The following FNDC3B variants were observed in gnomAD, a reference collection of about 807,000 sequenced individuals.
FNDC3B encodes fibronectin type III domain containing 3B, also known as fibronectin type III domain-containing protein 3B.
FNDC3B carries 12 observed loss-of-function variants against 151.5 expected under a neutral mutation model. That is an observed-to-expected ratio of 0.08 (90% CI 0.05 to 0.13). The LOEUF is 0.13. FNDC3B is among the 10% of genes least tolerant of loss of function. FNDC3B has a pLI of 1.00. For missense variants in FNDC3B, 1,214 were observed against 1,505.3 expected (o/e 0.81, Z 3.20); for synonymous variants, 528 against 549.0 (o/e 0.96, Z 0.54).
chr3:172,377,028 A>T (rs920722466), intron 23 of FNDC3B, among the ~76,000 whole-genome samples: 4 of 152,204 alleles, frequency 2.6e-5, no homozygotes, highest in African/African-American at 9.7e-5. Flanking sequence ...ACGCACAGGG[A>T]TTAGGTCTTA....
chr3:172,062,349 T>A (rs1234123708), intron 1 of FNDC3B, among the ~76,000 whole-genome samples: 2 of 151,528 alleles, frequency 1.3e-5, no homozygotes, highest in Admixed American at 6.6e-5. Flanking sequence ...TCTCTCTCCG[T>A]CACCCAGGCT....
intron 1 of FNDC3B, among the ~76,000 whole-genome samples, chr3:172,096,468 A>G (rs1054469420): frequency 6.6e-6 from 1 of 152,190 alleles, no homozygotes; most frequent in African/African-American, 2.4e-5. Context: ...CACAGTGGAC[A>G]TACCTGTTGT....
intron 1 of FNDC3B, among the ~76,000 whole-genome samples, chr3:172,072,065 A>G (rs1254118675): frequency 1.3e-5 from 2 of 149,586 alleles, no homozygotes; most frequent in Non-Finnish European, 1.5e-5. Context: ...CTCATCCTTC[A>G]TTTTCTTCAA....
At chr3:172,291,677 A>G (rs1403979900) in intron 7 of FNDC3B, among the ~76,000 whole-genome samples, 3 of 152,224 alleles carry the variant, frequency 2.0e-5, no homozygotes, top group African/African-American at 4.8e-5. Context: ...TTTTATCACC[A>G]TTACAAAGGA....
At chr3:172,150,823 A>G (rs75780725) in intron 3 of FNDC3B, among the ~76,000 whole-genome samples, 4,916 of 152,302 alleles carry the variant, frequency 0.032, 257 homozygotes, top group African/African-American at 0.11. Context: ...TAAGCACATC[A>G]TCGAGAATGG....
chr3:172,206,387 G>A (rs1468522555), intron 3 of FNDC3B, among the ~76,000 whole-genome samples: 3 of 152,076 alleles, frequency 2.0e-5, no homozygotes, highest in Non-Finnish European at 2.9e-5. Context: ...GGCCAGGCGC[G>A]GTGGCTTATG....
chr3:172,365,780 C>G (rs73167289), intron 23 of FNDC3B, among the ~76,000 whole-genome samples: 8,157 of 152,230 alleles, frequency 0.054, 311 homozygotes, highest in Middle Eastern at 0.085. Context: ...TCCTAGCCAG[C>G]TGTTTAAGTG....
intron 8 of FNDC3B, among the ~76,000 whole-genome samples, chr3:172,297,347 A>C (rs1207818606): frequency 1.3e-5 from 2 of 152,178 alleles, no homozygotes; most frequent in Non-Finnish European, 2.9e-5. Flanking sequence ...GATGTCCCCA[A>C]AATAGAGAAA....
chr3:172,248,429 T>A (rs879486748), intron 5 of FNDC3B, among the ~76,000 whole-genome samples: 3 of 152,168 alleles, frequency 2.0e-5, no homozygotes, highest in Non-Finnish European at 2.9e-5. Flanking sequence ...TATATCTTTT[T>A]AAAGTTTTGA....
At chr3:172,243,228 A>G (rs574140235) in intron 4 of FNDC3B, among the ~76,000 whole-genome samples, 19 of 152,144 alleles carry the variant, frequency 1.2e-4, no homozygotes, top group South Asian at 6.2e-4. Context: ...AATTGCTCCA[A>G]CCTTTGCCTG....
intron 11 of FNDC3B, 72 bp from the exon 12 acceptor site, chr3:172,328,880 C>A: frequency 3.3e-6 from 4 of 1,219,222 alleles, no homozygotes; most frequent in South Asian, 1.7e-5. Flanking sequence ...CAAGATGCTC[C>A]TTCATTTATT....
At chr3:172,269,286 GCT>G (rs1259511680) in intron 6 of FNDC3B, among the ~76,000 whole-genome samples, 1 of 150,422 alleles carries the variant, frequency 6.6e-6, no homozygotes, top group African/African-American at 2.5e-5. Flanking sequence ...CCTTTCCTAG[GCT>G]CTCTCTGTCA....
At chr3:172,092,450 G>A (rs1718886300) in intron 1 of FNDC3B, among the ~76,000 whole-genome samples, 1 of 152,172 alleles carries the variant, frequency 6.6e-6, no homozygotes, top group African/African-American at 2.4e-5. Flanking sequence ...ATTATTATGT[G>A]GATGTAAAAC....
chr3:172,076,929 T>C (rs1176637342), intron 1 of FNDC3B, among the ~76,000 whole-genome samples: 1 of 152,204 alleles, frequency 6.6e-6, no homozygotes, highest in Non-Finnish European at 1.5e-5. Flanking sequence ...TAAAGTAATA[T>C]ATTAGGGCAA....
At position 172,247,760 on chromosome 3, in the gene FNDC3B, A is replaced by G; in HGVS notation, c.492A>G (p.Thr164=). ...TTCCCCAGCATCATCTTCCCCACAC[A>G]ATATATGGTGAGCAAGGTGAGTAGA... The part of the protein sequence containing the change: ...QFFPQHHLPH[T]IYGEQEIIPF... The change falls in exon 5 of 26, where the codon ACA becomes ACG. Residue 164 remains threonine, a synonymous_variant. Coordinates refer to ENST00000415807, the MANE Select transcript of FNDC3B (RefSeq NM_022763.4). The G allele has an allele frequency of 2.5e-6, 4 of 1,614,070 alleles. No homozygotes were observed. The highest frequency in any genetic ancestry group is 3.4e-6 in the Non-Finnish European group (4 of 1,180,008).
chr3:172,226,831 A>G lies in FNDC3B; in HGVS notation c.188-40A>G, dbSNP rs372869978. 7.1e-5 allele frequency: 84 copies of G among 1,187,954 alleles called. 1 individual carries two copies. Among genetic ancestry groups the G allele is most frequent in the South Asian group, 5.8e-4 (48 of 82,374 alleles). 73.6% of individuals were successfully genotyped at this position (1,187,954 alleles called of 1,614,324 possible). On this transcript the variant is annotated intron_variant, in intron 3 of 25. Coordinates refer to ENST00000415807, the MANE Select transcript of FNDC3B (RefSeq NM_022763.4). ...AAACATTAATTATTTTGAATAATGT[A>G]TGTTTCTTCAGCTATTAACATCTGA... is the stretch of plus-strand genomic sequence containing the variant.
intron 22 of FNDC3B, 34 bp downstream of exon 22, chr3:172,353,117 C>T (rs1733938174): frequency 6.3e-7 from 1 of 1,595,680 alleles, no homozygotes. Context: ...TGCATCAGCA[C>T]ATCAGCACTT....
chr3:172,066,870 A>G (rs760553629), intron 1 of FNDC3B, among the ~76,000 whole-genome samples: 55 of 152,362 alleles, frequency 3.6e-4, no homozygotes, highest in Admixed American at 2.2e-3. Context: ...GTGTGAACAT[A>G]GGCAGCTCTT....
In FNDC3B at chr3:172,243,919, A is replaced by G. The variant is rs1241767664; in HGVS notation, c.265-3614A>G. Among the ~76,000 whole-genome samples, 12 of 152,236 alleles carry G rather than the reference A, an allele frequency of 7.9e-5. 1 individual carries two copies. The highest frequency in any genetic ancestry group is 6.3e-3 in the Middle Eastern group (2 of 316). On this transcript the variant is annotated intron_variant, in intron 4 of 25. Transcript: ENST00000415807. ...GGTGACAGTCTGAGAACCCGGCATA[A>G]TGATCTTTTCCAAGGCTCTATGCTT...
Sources: gnomAD v4.1 joint callset for allele counts (sites outside exome capture counted in the v4.1 genomes callset) on GRCh38, gnomAD v4.1.1 for gene constraint, MANE v1.5 for transcripts, NCBI Gene and HGNC (gene_info 2026-07-23, HGNC 2026-07-21) for gene names.